CCDC88C: variants seen among roughly 807,000 people sequenced by gnomAD.
CCDC88C encodes protein Daple.
Under a neutral mutation model 198.8 loss-of-function variants are expected in CCDC88C, and 131 were observed. The ratio of observed to expected loss-of-function variants is 0.66; its 90% CI spans 0.57 to 0.76. The LOEUF (loss-of-function observed/expected upper bound fraction) is 0.76, where lower values mean the gene tolerates loss of function less well. Ranked by LOEUF, CCDC88C falls within the 30% of genes least tolerant of loss-of-function variation. The probability of loss-of-function intolerance (pLI) is 0.00; values close to 1 mark genes in which losing one functional copy is unlikely to be tolerated. For synonymous variants in CCDC88C, 1,166 were observed against 1,114.7 expected, an observed-to-expected ratio of 1.05 and a Z score of -0.92; for missense variants, 2,553 against 2,631.6, an observed-to-expected ratio of 0.97 and a Z score of 0.65.
At chr14:91,315,822 T>C in intron 13 of CCDC88C, 35 bp from the exon 14 acceptor site, 1 of 1,601,012 alleles carries the variant, frequency 6.2e-7, no homozygotes, top group Non-Finnish European at 8.5e-7. Context: ...AGTGCAGACA[T>C]CAGTCCTACG....
rs775543342 is a variant in CCDC88C at position 91,339,948 on chromosome 14, G to A, written c.560C>T (p.Ala187Val). The A allele has an allele frequency of 1.9e-6, 3 of 1,599,788 alleles. No individual in the cohort carries two copies. Among genetic ancestry groups the A allele is most frequent in the South Asian group, 2.3e-5 (2 of 88,052 alleles). Residue 187 changes from alanine to valine, a missense_variant, in exon 7 of 30, where the codon GCC becomes GTC. Ala to Val is a moderately conservative substitution (Grantham distance 64). Around this residue, in one of 2 missense-constraint regions of CCDC88C, gnomAD observed 1,260 missense variants for 1,412.0 expected, o/e 0.89. Transcript: ENST00000389857. The surrounding 1 kb of genome is among the most constrained non-coding windows in gnomAD (Gnocchi z 5.8). ...LPDVAPEELE[A>V]LSRSMVLHLR... ...GTGGAGCACCATGCTCCTCGACAGGGCCTCCAGCTCCTCCGGAGCCACGTC... is the reference window on the plus strand; with the variant it reads ...GTGGAGCACCATGCTCCTCGACAGGACCTCCAGCTCCTCCGGAGCCACGTC...
chr14:91,293,296 A>G (rs957511400), intron 23 of CCDC88C, among the ~76,000 whole-genome samples: 33 of 68,612 alleles, frequency 4.8e-4, no homozygotes, highest in South Asian at 1.7e-3. Context: ...CTGTCCCCTC[A>G]CCTGCCACGG....
chr14:91,272,688 A>G lies in CCDC88C; in HGVS notation c.6024T>C (p.Ser2008=), dbSNP rs372767405. The change falls in exon 30 of 30, where the codon AGT becomes AGC. Residue 2008 remains serine, a synonymous_variant. Coordinates refer to ENST00000389857, the MANE Select transcript of CCDC88C (RefSeq NM_001080414.4). The part of the protein sequence containing the change: ...DCSRGSVSKS[S]PASPEPGGDP... Reference sequence around the variant, plus strand: ...CCCCGCCGGGCTCCGGGGAGGCCGGACTGCTCTTTGAGACGCTCCCTCGAC... The same window carrying G: ...CCCCGCCGGGCTCCGGGGAGGCCGGGCTGCTCTTTGAGACGCTCCCTCGAC... 60 of 1,611,636 alleles carry G rather than the reference A, an allele frequency of 3.7e-5. 1 individual carries two copies. In the African/African-American group the frequency reaches 7.3e-4, roughly 20 times the overall value.
At position 91,288,501 on chromosome 14, in the gene CCDC88C, C is replaced by A. The variant is rs1043695665; in HGVS notation, c.4441+604G>T. On this transcript the variant is annotated intron_variant, in intron 25 of 29. Transcript: ENST00000389857. The surrounding 1 kb of genome is among the most constrained non-coding windows in gnomAD (Gnocchi z 4.2). ...TTCTACAAATCTGGCACATACGAGG[C>A]AGCCCAAAATAAGCTATGTCGCTTG... 2.6e-5 allele frequency among the ~76,000 whole-genome samples: 4 copies of A among 152,244 alleles called. No individual in the cohort carries two copies. Among genetic ancestry groups the A allele is most frequent in the African/African-American group, 9.6e-5 (4 of 41,470 alleles).
chr14:91,318,156 A>C (rs1468501720), intron 13 of CCDC88C, among the ~76,000 whole-genome samples: 2 of 152,154 alleles, frequency 1.3e-5, no homozygotes, highest in Non-Finnish European at 2.9e-5. Context: ...ACAGTGGCTC[A>C]CACCTGTGCT....
At chr14:91,417,471 T>A in intron 1 of CCDC88C, 160 bp downstream of exon 1, 1 of 594,260 alleles carries the variant, frequency 1.7e-6, no homozygotes, top group East Asian at 3.2e-5. Context: ...AGCTCCGGAC[T>A]CCAGGACGCG....
intron 3 of CCDC88C, among the ~76,000 whole-genome samples, chr14:91,370,407 G>A (rs369176708): frequency 9.9e-5 from 15 of 152,216 alleles, no homozygotes; most frequent in East Asian, 9.6e-4. Context: ...GGGAACCAGA[G>A]GATGTTTCAA....
intron 3 of CCDC88C, among the ~76,000 whole-genome samples, chr14:91,391,394 C>A (rs990114031): frequency 2.4e-4 from 37 of 152,162 alleles, no homozygotes; most frequent in African/African-American, 8.7e-4. Context: ...GCAACCATCC[C>A]CACCATCCAT....
At chr14:91,323,775 C>G (rs905471350) in intron 12 of CCDC88C, among the ~76,000 whole-genome samples, 1 of 152,224 alleles carries the variant, frequency 6.6e-6, no homozygotes, top group Non-Finnish European at 1.5e-5. Context: ...GGGGGCGCCC[C>G]CAACTTGGAC....
In CCDC88C at chr14:91,308,510, A is replaced by G; in HGVS notation, c.2865-18T>C. 2.5e-6 allele frequency: 4 copies of G among 1,612,604 alleles called. No homozygotes were observed. The highest frequency in any genetic ancestry group is 3.4e-6 in the Non-Finnish European group (4 of 1,179,126). On this transcript the variant is annotated intron_variant, in intron 16 of 29. Coordinates refer to ENST00000389857, the MANE Select transcript of CCDC88C (RefSeq NM_001080414.4). The stretch of plus-strand genomic sequence containing the variant: ...TGTATTTTCTGGAAAACACAAAGAT[A>G]CAATAGTATCACTTATCTACTTCCT...
intron 10 of CCDC88C, among the ~76,000 whole-genome samples, chr14:91,333,106 A>G (rs924384694): frequency 4.6e-5 from 7 of 152,252 alleles, no homozygotes; most frequent in African/African-American, 1.7e-4. Context: ...AGATGTGTTC[A>G]TATTTCCATT....
chr14:91,396,469 C>G (rs1003825078), intron 3 of CCDC88C, among the ~76,000 whole-genome samples: 1 of 152,272 alleles, frequency 6.6e-6, no homozygotes, highest in Non-Finnish European at 1.5e-5. Context: ...CATTCACGCC[C>G]GCATCACTCG....
At chr14:91,319,189 T>C (rs1205696372) in intron 13 of CCDC88C, among the ~76,000 whole-genome samples, 2 of 152,194 alleles carry the variant, frequency 1.3e-5, no homozygotes, top group Admixed American at 6.5e-5. Flanking sequence ...GTGAGGCAGG[T>C]GGATGAGAGG....
At chr14:91,347,528 T>C (rs1001078784) in intron 4 of CCDC88C, among the ~76,000 whole-genome samples, 8 of 151,990 alleles carry the variant, frequency 5.3e-5, no homozygotes, top group Non-Finnish European at 1.2e-4. Flanking sequence ...GTGAAGGACA[T>C]GAACAGACAC....
At chr14:91,315,281 C>T (rs375940518) in intron 14 of CCDC88C, among the ~76,000 whole-genome samples, 3 of 152,236 alleles carry the variant, frequency 2.0e-5, no homozygotes, top group African/African-American at 7.2e-5. Flanking sequence ...ACGGATTTGC[C>T]AGGGTTCTCA....
intron 4 of CCDC88C, among the ~76,000 whole-genome samples, chr14:91,358,755 G>A (rs1189197472): frequency 2.0e-5 from 3 of 152,086 alleles, no homozygotes; most frequent in South Asian, 2.1e-4. Flanking sequence ...CTCCTGCCTC[G>A]GCCTCCCAAA....
At chr14:91,415,715 C>T (rs564455301) in intron 2 of CCDC88C, among the ~76,000 whole-genome samples, 187 of 149,518 alleles carry the variant, frequency 1.3e-3, no homozygotes, top group African/African-American at 4.4e-3. Context: ...AGCGAAACTC[C>T]GTCTCCAAAA....
At chr14:91,399,361 G>A (rs571795748) in intron 3 of CCDC88C, among the ~76,000 whole-genome samples, 11 of 152,038 alleles carry the variant, frequency 7.2e-5, no homozygotes, top group Admixed American at 1.3e-4. Context: ...AGGAACCCAC[G>A]GACCCCTCAG....
chr14:91,293,558 G>A (rs373617222), intron 23 of CCDC88C, among the ~76,000 whole-genome samples: 4,783 of 19,588 alleles, frequency 0.24, 1,143 homozygotes, highest in South Asian at 0.36. Context: ...CTGTCCCCTC[G>A]CCTGCCACGG....
Sources: gnomAD v4.1 joint callset for allele counts (sites outside exome capture counted in the v4.1 genomes callset) on GRCh38, gnomAD v4.1.1 for gene constraint, gnomAD v4.1.1 regional missense constraint, Gnocchi (gnomAD v3.1) non-coding constraint, MANE v1.5 for transcripts, NCBI Gene and HGNC (gene_info 2026-07-23, HGNC 2026-07-21) for gene names.